ZNF599: variants seen among roughly 807,000 people sequenced by gnomAD.
The protein encoded by ZNF599 is zinc finger protein 599.
ZNF599 carries 10 observed loss-of-function variants against 11.7 expected under a neutral mutation model. The observed-to-expected ratio is 0.86, with a 90% CI of 0.53 to 1.45. ZNF599 has a LOEUF of 1.45. Among genes scored for constraint, ZNF599 ranks in the 40% most tolerant of loss-of-function variants. ZNF599 has a pLI of 0.00. For missense variants in ZNF599, 688 were observed against 713.6 expected (o/e 0.96, Z 0.41); for synonymous variants, 232 against 253.2 (o/e 0.92, Z 0.79).
chr19:34,800,756 C>T, the ZNF599 span, among the ~76,000 whole-genome samples: 1 of 151,914 alleles, frequency 6.6e-6, no homozygotes, highest in Non-Finnish European at 1.5e-5. Flanking sequence ...CCACTACGCC[C>T]TACTAATTTT....
chr19:34,764,372 C>T (rs1025533258), intron 3 of ZNF599: 6 of 152,160 alleles, frequency 3.9e-5, no homozygotes, highest in Non-Finnish European at 1.5e-5. Flanking sequence ...CTGGTGGTTT[C>T]GATTAAAGCT....
At chr19:34,764,113 T>C (rs2069128328) in intron 3 of ZNF599, 1 of 152,136 alleles carries the variant, frequency 6.6e-6, no homozygotes, top group African/African-American at 2.4e-5. Context: ...CAAAAGTTCA[T>C]TCGTGTGACA....
intron 2 of ZNF599, among the ~76,000 whole-genome samples, chr19:34,768,321 C>T (rs976992328): frequency 3.9e-5 from 6 of 152,162 alleles, no homozygotes; most frequent in African/African-American, 1.4e-4. Context: ...GAATGCTGTT[C>T]CCCATACATC....
chr19:34,771,527 G>C (rs1396533940), intron 1 of ZNF599, among the ~76,000 whole-genome samples: 9 of 152,196 alleles, frequency 5.9e-5, no homozygotes, highest in African/African-American at 1.9e-4. Context: ...TCGCACCCTA[G>C]GAGAGCTCAA....
At chr19:34,792,138 C>T in the ZNF599 span, among the ~76,000 whole-genome samples, 1 of 152,196 alleles carries the variant, frequency 6.6e-6, no homozygotes, top group Non-Finnish European at 1.5e-5. Flanking sequence ...ATTCATCCCC[C>T]TCAATCTCCA....
At position 34,759,774 on chromosome 19, in the gene ZNF599, C is replaced by T; in HGVS notation, c.1027G>A (p.Glu343Lys). 6.2e-7 allele frequency: 1 copy of T among 1,614,120 alleles called. No individual in the cohort carries two copies. The highest frequency in any genetic ancestry group is 8.5e-7 in the Non-Finnish European group (1 of 1,180,004). Residue 343 changes from glutamate to lysine, a missense_variant, in exon 4 of 4, where the codon GAA becomes AAA. By Grantham distance (56) the Glu-to-Lys change is moderately conservative. Coordinates refer to ENST00000329285, the MANE Select transcript of ZNF599 (RefSeq NM_001007248.3). ...CGGTGCGTGAAGGCCTTTCCACATT[C>T]ACCGCACTCATAGAGTTTCTTTCCA... is the stretch of plus-strand genomic sequence containing the variant. ...HTGKKLYECG[E>K]CGKAFTHRST...
chr19:34,794,528 C>T, the ZNF599 span, among the ~76,000 whole-genome samples: 1 of 151,844 alleles, frequency 6.6e-6, no homozygotes, highest in Admixed American at 6.6e-5. Flanking sequence ...GATCTTCGAC[C>T]TCATTCCCCC....
chr19:34,790,548 T>C, the ZNF599 span, among the ~76,000 whole-genome samples: 9 of 152,112 alleles, frequency 5.9e-5, no homozygotes, highest in African/African-American at 2.2e-4. Context: ...CTCATTTATA[T>C]GTGGAATCAA....
upstream of ZNF599, among the ~76,000 whole-genome samples, chr19:34,777,374 T>TGA (rs1179343916): frequency 5.2e-5 from 4 of 76,728 alleles, no homozygotes; most frequent in African/African-American, 1.8e-4. Flanking sequence ...ATATTATATA[T>TGA]TATATATTAA....
chr19:34,804,910 C>T, the ZNF599 span, among the ~76,000 whole-genome samples: 1 of 152,202 alleles, frequency 6.6e-6, no homozygotes, highest in Admixed American at 6.5e-5. Context: ...TGCATGCTAG[C>T]TCACTGCAAC....
intron 1 of ZNF599, chr19:34,772,567 A>T: frequency 2.2e-6 from 3 of 1,339,336 alleles, no homozygotes; most frequent in Middle Eastern, 5.3e-4. Flanking sequence ...GAGGGAATGG[A>T]GGCCGAGGGC....
chr19:34,775,526 A>G (rs1488393475), upstream of ZNF599, among the ~76,000 whole-genome samples: 1 of 152,184 alleles, frequency 6.6e-6, no homozygotes, highest in Non-Finnish European at 1.5e-5. Context: ...TATCTAAGGG[A>G]TATGGAGTTT....
In ZNF599 at chr19:34,759,748, G is replaced by A; in HGVS notation, c.1053C>T (p.Arg351=). The A allele has an allele frequency of 6.2e-7, 1 of 1,614,140 alleles. No individual in the cohort carries two copies. The highest frequency in any genetic ancestry group is 8.5e-7 in the Non-Finnish European group (1 of 1,180,012). The change falls in exon 4 of 4, where the codon CGC becomes CGT. Residue 351 remains arginine (R), a synonymous_variant. Coordinates refer to ENST00000329285, the MANE Select transcript of ZNF599 (RefSeq NM_001007248.3). The stretch of plus-strand genomic sequence containing the variant: ...TCACATTGTGCTGGATAAATGTGGA[G>A]CGGTGCGTGAAGGCCTTTCCACATT... ...CGECGKAFTH[R]STFIQHNVTH...
At chr19:34,779,520 C>T in the ZNF599 span, 11 of 456,076 alleles carry the variant, frequency 2.4e-5, no homozygotes, top group Non-Finnish European at 4.4e-5. Flanking sequence ...TAAGGTTTTT[C>T]TCTGGTGTGA....
the ZNF599 span, among the ~76,000 whole-genome samples, chr19:34,785,097 TA>T: frequency 6.6e-6 from 1 of 151,660 alleles, no homozygotes; most frequent in Non-Finnish European, 1.5e-5. Context: ...ATACTTCTGA[TA>T]CTGCCACTTA....
intron 3 of ZNF599, among the ~76,000 whole-genome samples, chr19:34,765,879 T>G (rs1003072504): frequency 5.3e-5 from 8 of 152,144 alleles, no homozygotes; most frequent in African/African-American, 1.9e-4. Context: ...AGATGATCAC[T>G]TGGCCTAGAG....
rs138111272 is a variant in ZNF599 at position 34,769,553 on chromosome 19, T to A, written c.21A>T (p.Ala7=). MAAPAL[A]LVSFEDVVVT... The stretch of plus-strand genomic sequence containing the variant: ...CAACCACGTCTTCAAATGATACTAA[T>A]GCCTGGGAAGTCAAACAGAGGTGAC... The change falls in exon 2 of 4, where the codon GCA becomes GCT. Residue 7 remains alanine (A), a splice_region_variant and synonymous_variant. Transcript: ENST00000329285. The A allele has an allele frequency of 6.2e-7, 1 of 1,612,856 alleles. No homozygotes were observed. The highest frequency in any genetic ancestry group is 8.5e-7 in the Non-Finnish European group (1 of 1,179,126).
At chr19:34,790,503 A>G in the ZNF599 span, among the ~76,000 whole-genome samples, 1 of 152,226 alleles carries the variant, frequency 6.6e-6, no homozygotes, top group Admixed American at 6.5e-5. Flanking sequence ...ACCAATTGAA[A>G]TAAGTTAAGC....
chr19:34,805,197 C>CTTTT, the ZNF599 span, among the ~76,000 whole-genome samples: 13 of 125,904 alleles, frequency 1.0e-4, no homozygotes, highest in East Asian at 4.7e-4. Context: ...TAAGTGCTAC[C>CTTTT]TTTTTTTTTT....
Sources: allele counts gnomAD v4.1 joint callset (sites outside exome capture counted in the v4.1 genomes callset), GRCh38; gene constraint gnomAD v4.1.1; transcripts MANE v1.5; gene names NCBI Gene and HGNC (gene_info 2026-07-23, HGNC 2026-07-21).